The following PTPN21 variants were observed in gnomAD, a reference collection of about 807,000 sequenced individuals.
PTPN21 encodes protein tyrosine phosphatase non-receptor type 21, also known as tyrosine-protein phosphatase non-receptor type 21.
Under a neutral mutation model 131.8 loss-of-function variants are expected in PTPN21, and 77 were observed. The ratio of observed to expected loss-of-function variants is 0.58; its 90% CI spans 0.49 to 0.71. PTPN21 has a LOEUF of 0.71. Among genes scored for constraint, PTPN21 ranks in the 30% least tolerant of loss-of-function variants. The pLI, the probability that PTPN21 is intolerant of heterozygous loss-of-function variation, is 0.00. For missense variants in PTPN21, 1,552 were observed against 1,527.1 expected, an observed-to-expected ratio of 1.02 and a Z score of -0.27; for synonymous variants, 715 against 621.3, an observed-to-expected ratio of 1.15 and a Z score of -2.24.
chr14:88,469,618 T>C lies in PTPN21; in HGVS notation c.3116A>G (p.Tyr1039Cys), dbSNP rs1320016427. 2 of 1,614,142 alleles carry C rather than the reference T, an allele frequency of 1.2e-6. No individual in the cohort carries two copies. The highest frequency in any genetic ancestry group is 1.1e-5 in the South Asian group (1 of 91,074). ...CTTCATCTTCAGGCCTGTGGTGGCA[T>C]AGCAGCCAGAGTCTGTGCGGAACCG... ...TTRFRTDSGC[Y>C]ATTGLKMKHL... Residue 1039 changes from tyrosine to cysteine, a missense_variant, in exon 17 of 19, where the codon TAT becomes TGT. Around this residue, in one of 4 missense-constraint regions of PTPN21, gnomAD observed 316 missense variants for 378.5 expected, o/e 0.83. Transcript: ENST00000556564. This position sits in a 1 kb window ranked among gnomAD's most constrained non-coding sequence, Gnocchi z 4.3.
chr14:88,487,965 CAA>C (rs535857551), intron 10 of PTPN21, among the ~76,000 whole-genome samples: 23 of 92,512 alleles, frequency 2.5e-4, no homozygotes, highest in Admixed American at 4.2e-4. Flanking sequence ...GACTCCATCT[CAA>C]AAAAAAAAAA....
At position 88,478,964 on chromosome 14, in the gene PTPN21, G is replaced by C. The variant is rs1180541485; in HGVS notation, c.2467C>G (p.Leu823Val). The C allele has an allele frequency of 2.0e-6, 3 of 1,536,618 alleles. No individual in the cohort carries two copies. Among genetic ancestry groups the C allele is most frequent in the African/African-American group, 2.8e-5 (2 of 71,736 alleles). Residue 823 changes from leucine (L) to valine (V), a missense_variant, in exon 13 of 19, where the codon CTC becomes GTC. By Grantham distance (32) the Leu-to-Val change is conservative. Transcript: ENST00000556564. The part of the protein sequence containing the change: ...SLKKRPVSDL[L>V]SGKKNIVEGL... ...TCCACGATGTTCTTCTTCCCAGAGA[G>C]AAGGTCCGACACCGGCCTTTTCTTC...
At chr14:88,549,144 G>GC (rs1268824123) in intron 2 of PTPN21, among the ~76,000 whole-genome samples, 1 of 152,212 alleles carries the variant, frequency 6.6e-6, no homozygotes, top group Non-Finnish European at 1.5e-5. Flanking sequence ...AATGTTGAAA[G>GC]AACGAAGTCA....
intron 1 of PTPN21, among the ~76,000 whole-genome samples, chr14:88,554,302 G>A (rs892174401): frequency 6.6e-6 from 1 of 152,072 alleles, no homozygotes; most frequent in African/African-American, 2.4e-5. Context: ...CCTTCCCTGC[G>A]CCCCTTCTCG....
At chr14:88,515,008 C>G (rs1294037786) in intron 3 of PTPN21, 2 of 152,144 alleles carry the variant, frequency 1.3e-5, no homozygotes, top group Non-Finnish European at 2.9e-5. Flanking sequence ...CATCTGCTTT[C>G]TGACTATGGA....
chr14:88,478,638 A>G (rs1396772944), intron 13 of PTPN21, among the ~76,000 whole-genome samples: 6 of 151,890 alleles, frequency 4.0e-5, no homozygotes, highest in Non-Finnish European at 5.9e-5. Flanking sequence ...GCATTACTAA[A>G]ACATTTCATT....
chr14:88,524,513 A>C (rs1219351781), intron 2 of PTPN21, among the ~76,000 whole-genome samples: 9 of 152,222 alleles, frequency 5.9e-5, no homozygotes. Flanking sequence ...AGAAGAAAAC[A>C]TTAGGGTAAA....
intron 2 of PTPN21, among the ~76,000 whole-genome samples, chr14:88,518,363 C>T (rs867285351): frequency 8.5e-5 from 4 of 46,812 alleles, no homozygotes; most frequent in African/African-American, 1.8e-4. Context: ...TATACATACA[C>T]GTGTGTGTGT....
At position 88,479,858 on chromosome 14, in the gene PTPN21, G is replaced by C. The variant is rs201455493; in HGVS notation, c.1573C>G (p.Pro525Ala). 6 of 1,569,946 alleles carry C rather than the reference G, an allele frequency of 3.8e-6. No individual in the cohort carries two copies. The highest frequency in any genetic ancestry group is 3.4e-4 in the Middle Eastern group (2 of 5,914). The stretch of plus-strand genomic sequence containing the variant: ...ACGGGCCGCCGCTCGGCAGGGTAGG[G>C]GTAGGGAGACGGGCTGTGGAAGCTG... ...SYSFHSPSPY[P>A]YPAERRPVVG... is the part of the protein sequence containing the mutation. The change falls in exon 13 of 19, where the codon CCC (proline) becomes GCC (alanine). Residue 525 changes from proline (P) to alanine (A), a missense_variant. Physicochemically the swap from Pro to Ala is conservative, Grantham distance 27 (BLOSUM62 -1). Coordinates refer to ENST00000556564, the MANE Select transcript of PTPN21 (RefSeq NM_007039.4).
Position 88,479,290 on chromosome 14 carries a change from T to C in PTPN21, c.2141A>G (p.Glu714Gly). The change falls in exon 13 of 19, where the codon GAG (glutamate) becomes GGG (glycine). Residue 714 changes from glutamate to glycine, a missense_variant. By Grantham distance (98) the Glu-to-Gly change is moderately conservative (BLOSUM62 -2). Around this residue, in one of 4 missense-constraint regions of PTPN21, gnomAD observed 1,016 missense variants for 883.5 expected, o/e 1.15. Coordinates refer to ENST00000556564, the MANE Select transcript of PTPN21 (RefSeq NM_007039.4). The part of the protein sequence containing the change: ...ATMLIHSSEE[E>G]EDEDFEEESG... The stretch of plus-strand genomic sequence containing the variant: ...CTCCTCCTCGAAGTCCTCGTCCTCC[T>C]CCTCCTCGCTGCTGTGGATTAGCAT... 1 of 1,613,200 alleles carries C rather than the reference T, an allele frequency of 6.2e-7. No individual in the cohort carries two copies. The highest frequency in any genetic ancestry group is 8.5e-7 in the Non-Finnish European group (1 of 1,179,534).
intron 14 of PTPN21, among the ~76,000 whole-genome samples, chr14:88,473,241 C>G (rs575032102): frequency 6.6e-6 from 1 of 152,032 alleles, no homozygotes; most frequent in Admixed American, 6.6e-5. Flanking sequence ...GTAATAAAAC[C>G]TCATAGAAAA....
Position 88,468,170 on chromosome 14 carries a change from G to A in PTPN21, c.3492C>T (p.Leu1164=), listed in dbSNP as rs200955321. 1 of 1,613,812 alleles carries A rather than the reference G, an allele frequency of 6.2e-7. No homozygotes were observed. The highest frequency in any genetic ancestry group is 2.2e-5 in the East Asian group (1 of 44,886). Residue 1164 remains leucine (L), a synonymous_variant, in exon 19 of 19, where the codon CTC becomes CTT. Transcript: ENST00000556564. ...LCQYTFVYRV[L]IQFLKSSRLI ...GCCTGGAGCTTTTCAGGAACTGGAT[G>A]AGGACTCTGTACACAAATGTGTACT...
intron 2 of PTPN21, among the ~76,000 whole-genome samples, chr14:88,535,521 T>G (rs1267568164): frequency 6.6e-6 from 1 of 152,202 alleles, no homozygotes; most frequent in African/African-American, 2.4e-5. Flanking sequence ...GAATTTAACA[T>G]GTACTCTTCC....
In PTPN21 at chr14:88,468,077, C is replaced by A. The variant is rs768631053; in HGVS notation, c.*60G>T. On this transcript the variant is annotated 3_prime_UTR_variant, in exon 19 of 19. Transcript: ENST00000556564. ...AACGGGAAAGTATGAGTTAGGCAAG[C>A]GCTTTTTTTTTAAGCTGTAAACGCT... is the stretch of plus-strand genomic sequence containing the variant. 6 of 1,580,106 alleles carry A rather than the reference C, an allele frequency of 3.8e-6. No homozygotes were observed. The highest frequency in any genetic ancestry group is 5.2e-6 in the Non-Finnish European group (6 of 1,153,840).
At chr14:88,471,070 G>A in intron 15 of PTPN21, among the ~76,000 whole-genome samples, 1 of 152,126 alleles carries the variant, frequency 6.6e-6, no homozygotes, top group Non-Finnish European at 1.5e-5. Context: ...TCAAGGAAAT[G>A]CTCGGTTTTT....
chr14:88,483,072 C>T (rs1164112694), intron 12 of PTPN21, among the ~76,000 whole-genome samples: 4 of 151,750 alleles, frequency 2.6e-5, no homozygotes, highest in South Asian at 2.1e-4. Context: ...ATTAGCCGGG[C>T]GTGGTGGCGG....
intron 3 of PTPN21, among the ~76,000 whole-genome samples, chr14:88,510,753 G>T (rs924070058): frequency 3.3e-5 from 5 of 152,046 alleles, no homozygotes; most frequent in African/African-American, 9.7e-5. Context: ...CACAGGATTT[G>T]TTATGAGAAT....
chr14:88,483,710 CT>C (rs1433760111), intron 12 of PTPN21, among the ~76,000 whole-genome samples: 1 of 152,200 alleles, frequency 6.6e-6, no homozygotes, highest in Non-Finnish European at 1.5e-5. Flanking sequence ...AAGTTCCTGC[CT>C]TTCTACCTGC....
chr14:88,550,690 T>G (rs1566858118), intron 1 of PTPN21, 71 bp from the exon 2 acceptor site: 3 of 319,588 alleles, frequency 9.4e-6, no homozygotes, highest in African/African-American at 2.1e-5. Flanking sequence ...GAAAAGCCAG[T>G]CAAGCTGTGG....
Sources: gnomAD v4.1 joint callset for allele counts (sites outside exome capture counted in the v4.1 genomes callset) on GRCh38, gnomAD v4.1.1 for gene constraint, gnomAD v4.1.1 regional missense constraint, Gnocchi (gnomAD v3.1) non-coding constraint, MANE v1.5 for transcripts, NCBI Gene and HGNC (gene_info 2026-07-23, HGNC 2026-07-21) for gene names.